KATNIP: variants seen among roughly 807,000 people sequenced by gnomAD.
KATNIP encodes the protein katanin interacting protein, also known as katanin-interacting protein.
A neutral mutation model predicts 174.0 loss-of-function variants in KATNIP; 126 were observed. The observed-to-expected ratio is 0.72, with a 90% CI of 0.63 to 0.84. The LOEUF is 0.84. KATNIP is among the 40% of genes least tolerant of loss of function. The pLI, the probability that KATNIP is intolerant of heterozygous loss-of-function variation, is 0.00. For missense variants in KATNIP, 1,958 were observed against 2,109.7 expected, an observed-to-expected ratio of 0.93 and a Z score of 1.41; for synonymous variants, 810 against 835.7, an observed-to-expected ratio of 0.97 and a Z score of 0.53.
chr16:27,589,529 G>A (rs1458454446), intron 2 of KATNIP, among the ~76,000 whole-genome samples: 2 of 152,174 alleles, frequency 1.3e-5, no homozygotes, highest in Non-Finnish European at 2.9e-5. Flanking sequence ...TTTGGCTTAT[G>A]TGGTGGGAAA....
chr16:27,681,548 C>A lies in KATNIP; in HGVS notation c.940+18C>A. ...GTGCTCCAGTAAGAGTTCCGGGGGC[C>A]CCTGAGCAGGGGAGCAGGGCTGCGA... On this transcript the variant is annotated intron_variant, in intron 8 of 27. Coordinates refer to ENST00000261588, the MANE Select transcript of KATNIP (RefSeq NM_015202.5). 2 of 1,614,008 alleles carry A rather than the reference C, an allele frequency of 1.2e-6. No homozygotes were observed. Among genetic ancestry groups the A allele is most frequent in the Non-Finnish European group, 1.7e-6 (2 of 1,179,958 alleles).
intron 20 of KATNIP, among the ~76,000 whole-genome samples, chr16:27,769,285 T>C (rs1223879309): frequency 6.6e-6 from 1 of 151,968 alleles, no homozygotes; most frequent in Non-Finnish European, 1.5e-5. Flanking sequence ...CTCAGTGCCA[T>C]GAGAAGGAAG....
Position 27,593,356 on chromosome 16 carries a change from A to C in KATNIP, c.63+19400A>C, listed in dbSNP as rs180722085. Among the ~76,000 whole-genome samples, 198 of 151,628 alleles carry C rather than the reference A, an allele frequency of 1.3e-3. 3 individuals are homozygous for C. Among genetic ancestry groups the C allele is most frequent in the Admixed American group, 0.012 (176 of 15,204 alleles). On this transcript the variant is annotated intron_variant, in intron 2 of 27. Transcript: ENST00000261588. ...CGGGTTCAAGCAACTCTTCTGCTTCAGCCTCCCAAGTAGCTGGGATTACAG... is the reference window on the plus strand; with the variant it reads ...CGGGTTCAAGCAACTCTTCTGCTTCCGCCTCCCAAGTAGCTGGGATTACAG...
intron 1 of KATNIP, among the ~76,000 whole-genome samples, chr16:27,567,083 A>G (rs1186643909): frequency 6.6e-6 from 1 of 152,148 alleles, no homozygotes; most frequent in Non-Finnish European, 1.5e-5. Context: ...TTGATCTCTT[A>G]AAAGAAGTCA....
chr16:27,720,486 G>A (rs1408042233), intron 13 of KATNIP, among the ~76,000 whole-genome samples: 5 of 134,438 alleles, frequency 3.7e-5, no homozygotes, highest in Admixed American at 1.9e-4. Flanking sequence ...ATTACACAAA[G>A]GGTTTTGTTC....
chr16:27,730,409 C>T (rs563413794), intron 14 of KATNIP, among the ~76,000 whole-genome samples: 1 of 152,246 alleles, frequency 6.6e-6, no homozygotes, highest in African/African-American at 2.4e-5. Flanking sequence ...ATTGTCCTTT[C>T]ACTCCATTGC....
rs1449792940 is a variant in KATNIP, at chr16:27,648,616, A to T, written c.421A>T (p.Ile141Phe). The T allele has an allele frequency of 6.2e-7, 1 of 1,614,096 alleles. No homozygotes were observed. The highest frequency in any genetic ancestry group is 8.5e-7 in the Non-Finnish European group (1 of 1,180,030). Residue 141 changes from isoleucine to phenylalanine, a missense_variant, in exon 6 of 28, where the codon ATC (isoleucine) becomes TTC (phenylalanine). This residue lies in a region of KATNIP where 1,557 missense variants were observed against 1,617.8 expected (regional missense o/e 0.96). Transcript: ENST00000261588. ...CATTTTTGTACAGAAATCTGTGCAG[A>T]TCAGAACAGAAGCTGGCCCACGGCT... is the stretch of plus-strand genomic sequence containing the variant. ...RRGWHQKSVQ[I>F]RTEAGPRLHI...
At chr16:27,730,031 G>A (rs951556165) in intron 14 of KATNIP, among the ~76,000 whole-genome samples, 1 of 152,240 alleles carries the variant, frequency 6.6e-6, no homozygotes, top group Non-Finnish European at 1.5e-5. Flanking sequence ...CTGATACGCT[G>A]CCTGCCCCTG....
chr16:27,605,651 G>A (rs944608652), intron 2 of KATNIP, among the ~76,000 whole-genome samples: 1 of 152,196 alleles, frequency 6.6e-6, no homozygotes, highest in African/African-American at 2.4e-5. Context: ...ATCCTAGGGC[G>A]TGAGAAACTC....
intron 1 of KATNIP, among the ~76,000 whole-genome samples, chr16:27,553,717 T>G (rs1399347522): frequency 6.6e-6 from 1 of 152,086 alleles, no homozygotes; most frequent in Non-Finnish European, 1.5e-5. Context: ...GCACCTGTGG[T>G]TCTAGCTGCT....
intron 1 of KATNIP, among the ~76,000 whole-genome samples, chr16:27,573,320 T>G (rs1267802907): frequency 6.6e-6 from 1 of 152,258 alleles, no homozygotes; most frequent in African/African-American, 2.4e-5. Context: ...AACAGCATAT[T>G]TAAACATTAT....
intron 11 of KATNIP, among the ~76,000 whole-genome samples, 153 bp from the exon 12 acceptor site, chr16:27,703,743 C>G (rs1047002482): frequency 5.9e-5 from 9 of 152,220 alleles, no homozygotes; most frequent in African/African-American, 2.2e-4. Context: ...GGGAGAAAAA[C>G]AGCAAGCCTG....
At chr16:27,693,413 GA>G (rs1336548667) in intron 8 of KATNIP, among the ~76,000 whole-genome samples, 1 of 152,020 alleles carries the variant, frequency 6.6e-6, no homozygotes, top group Non-Finnish European at 1.5e-5. Flanking sequence ...TTTTGAGATG[GA>G]GTCTCGCTCT....
At chr16:27,568,132 T>C (rs2090157121) in intron 1 of KATNIP, among the ~76,000 whole-genome samples, 1 of 152,250 alleles carries the variant, frequency 6.6e-6, no homozygotes, top group Non-Finnish European at 1.5e-5. Context: ...CAACATATAC[T>C]TTCTGGTCTT....
intron 5 of KATNIP, chr16:27,644,087 T>C (rs2076888060): frequency 6.7e-6 from 1 of 149,544 alleles, no homozygotes; most frequent in Admixed American, 6.8e-5. Context: ...AGAGGTGCGA[T>C]CTCGGCTCAC....
intron 12 of KATNIP, among the ~76,000 whole-genome samples, chr16:27,708,099 C>CTTGA (rs945314053): frequency 6.6e-6 from 1 of 151,852 alleles, no homozygotes; most frequent in African/African-American, 2.4e-5. Context: ...TCACTGCAGC[C>CTTGA]TCAACCACCT....
intron 2 of KATNIP, among the ~76,000 whole-genome samples, chr16:27,601,270 G>A (rs1325996381): frequency 6.6e-6 from 1 of 152,154 alleles, no homozygotes; most frequent in African/African-American, 2.4e-5. Context: ...CTGGCGTCCT[G>A]ATGGGGGAGG....
At chr16:27,607,234 T>C (rs2075737139) in intron 2 of KATNIP, among the ~76,000 whole-genome samples, 1 of 152,176 alleles carries the variant, frequency 6.6e-6, no homozygotes, top group Admixed American at 6.5e-5. Flanking sequence ...CAAGGTGTTA[T>C]ACCCAGAACA....
intron 1 of KATNIP, among the ~76,000 whole-genome samples, chr16:27,566,363 AC>A (rs939243435): frequency 6.6e-6 from 1 of 152,046 alleles, no homozygotes; most frequent in African/African-American, 2.4e-5. Context: ...ACATGGCAAA[AC>A]CCAGTCTCTA....
Sources: gnomAD v4.1 joint callset for allele counts (sites outside exome capture counted in the v4.1 genomes callset) on GRCh38, gnomAD v4.1.1 for gene constraint, gnomAD v4.1.1 regional missense constraint, MANE v1.5 for transcripts, NCBI Gene and HGNC (gene_info 2026-07-23, HGNC 2026-07-21) for gene names.